Variants in KDM1B observed in about 807,000 individuals in gnomAD.
KDM1B encodes lysine-specific histone demethylase 2.
In KDM1B, 63 loss-of-function variants were observed where a neutral mutation model predicts 107.4. That is an observed-to-expected ratio of 0.59 (90% confidence interval 0.48 to 0.72). The LOEUF (loss-of-function observed/expected upper bound fraction) is 0.72. KDM1B is among the 30% of genes least tolerant of loss of function. The pLI is 0.00. For synonymous variants in KDM1B, 363 were observed against 363.9 expected, an observed-to-expected ratio of 1.00 and a Z score of 0.03; for missense variants, 749 against 1,020.8, an observed-to-expected ratio of 0.73 and a Z score of 3.63.
At position 18,201,064 on chromosome 6, in the gene KDM1B, T is replaced by C. The variant is rs193164605; in HGVS notation, c.1360-422T>C. ...AGTCATAGAGAGTTTATTTGAAGAG[T>C]TGGTAGGCCCAAGACTTTTTCTGAA... On this transcript the variant is annotated intron_variant, in intron 13 of 21. Coordinates refer to ENST00000650836, the MANE Select transcript of KDM1B (RefSeq NM_001364614.2). This position sits in a 1 kb window ranked among gnomAD's most constrained non-coding sequence, Gnocchi z 4.3. 6.6e-6 allele frequency among the ~76,000 whole-genome samples: 1 copy of C among 152,252 alleles called. No individual in the cohort carries two copies. Among genetic ancestry groups the C allele is most frequent in the East Asian group, 1.9e-4 (1 of 5,184 alleles).
rs756110008 is a variant in KDM1B at position 18,213,722 on chromosome 6, G to A, written c.2050G>A (p.Val684Ile). Residue 684 changes from valine to isoleucine, a missense_variant, in exon 19 of 22, where the codon GTT becomes ATT. Coordinates refer to ENST00000650836, the MANE Select transcript of KDM1B (RefSeq NM_001364614.2). The surrounding 1 kb of genome is among the most constrained non-coding windows in gnomAD (Gnocchi z 5.9). Reference protein sequence around the residue: ...KVQGADFFGHVPPSASKRGLF... With the variant: ...KVQGADFFGHIPPSASKRGLF... ...ACAAGGGGCTGACTTTTTTGGTCAC[G>A]TTCCTCCCAGTGCCAGCAAGCGAGG... 5.0e-6 allele frequency: 8 copies of A among 1,613,872 alleles called. No individual in the cohort carries two copies. The South Asian group carries it at 5.5e-5, about 11-fold the overall frequency.
At chr6:18,178,944 A>G (rs1036886754) in intron 7 of KDM1B, among the ~76,000 whole-genome samples, 1 of 152,278 alleles carries the variant, frequency 6.6e-6, no homozygotes, top group South Asian at 2.1e-4. Context: ...ACCACCAGTG[A>G]TAGTGTTCTA....
chr6:18,199,203 A>C (rs1454903493), intron 12 of KDM1B, among the ~76,000 whole-genome samples: 1 of 152,034 alleles, frequency 6.6e-6, no homozygotes, highest in East Asian at 1.9e-4. Context: ...AACTCAAACA[A>C]AAACTAGAAA....
rs1789811366 is a variant in KDM1B, at chr6:18,222,217, A to G, written c.*225A>G. ...AATTGCATTTTCCATAGGTTCAACT[A>G]CTGCTGAAAGTCTGGATTTCAGAAT... On this transcript the variant is annotated 3_prime_UTR_variant, in exon 22 of 22. Transcript: ENST00000650836. The G allele has an allele frequency of 4.7e-6, 3 of 643,542 alleles. No homozygotes were observed. Among genetic ancestry groups the G allele is most frequent in the Non-Finnish European group, 8.6e-6 (3 of 348,176 alleles). The allele number at this position is 643,542 out of a possible 1,614,324, so 39.9% of individuals were successfully genotyped here. A position where few individuals can be genotyped will look rare whatever the true frequency, so the allele number is the denominator to read the frequency against.
chr6:18,220,724 T>A (rs919986147), intron 21 of KDM1B, among the ~76,000 whole-genome samples: 13 of 151,918 alleles, frequency 8.6e-5, no homozygotes, highest in Admixed American at 8.5e-4. Flanking sequence ...ATGGCTTAGA[T>A]GGCTTCTTGC....
Position 18,173,183 on chromosome 6 carries a change from A to G in KDM1B, c.534+1704A>G, listed in dbSNP as rs148076980. ...CCAAATGTCTTTCCATGGTTGTACC[A>G]TACTACAACATTTTGTAGTGTTATT... On this transcript the variant is annotated intron_variant, in intron 7 of 21. Transcript: ENST00000650836. Among the ~76,000 whole-genome samples the G allele has an allele frequency of 2.3e-3, 347 of 152,198 alleles. 2 individuals carry two copies. Among genetic ancestry groups the G allele is most frequent in the African/African-American group, 7.9e-3 (329 of 41,536 alleles).
intron 14 of KDM1B, among the ~76,000 whole-genome samples, chr6:18,202,150 G>A (rs762662750): frequency 2.0e-5 from 3 of 151,852 alleles, no homozygotes; most frequent in Non-Finnish European, 2.9e-5. Flanking sequence ...CCTGTAATCC[G>A]AACATTTGGG....
At position 18,222,045 on chromosome 6, in the gene KDM1B, A is replaced by G. The variant is rs1438520116; in HGVS notation, c.*53A>G. The G allele has an allele frequency of 6.7e-7, 1 of 1,491,054 alleles. No individual in the cohort carries two copies. The highest frequency in any genetic ancestry group is 2.3e-5 in the East Asian group (1 of 44,292). The allele number at this position is 1,491,054 out of a possible 1,614,324, so 92.4% of individuals were successfully genotyped here. ...TACCCCAGATGGGGAAATTTGAATC[A>G]CATGTTAAACCTCAGTTTTATAAGA... On this transcript the variant is annotated 3_prime_UTR_variant, in exon 22 of 22. Transcript: ENST00000650836.
At chr6:18,166,741 C>G (rs953407851) in intron 6 of KDM1B, among the ~76,000 whole-genome samples, 2 of 151,502 alleles carry the variant, frequency 1.3e-5, no homozygotes, top group African/African-American at 4.9e-5. Context: ...GTAGTCCCAT[C>G]TACTCATCAG....
Position 18,162,038 on chromosome 6 carries a change from G to A in KDM1B, c.215+584G>A, listed in dbSNP as rs1211912060. Among the ~76,000 whole-genome samples, 1 of 151,944 alleles carries A rather than the reference G, an allele frequency of 6.6e-6. No individual in the cohort carries two copies. Among genetic ancestry groups the A allele is most frequent in the African/African-American group, 2.4e-5 (1 of 41,366 alleles). On this transcript the variant is annotated intron_variant, in intron 4 of 21. Coordinates refer to ENST00000650836, the MANE Select transcript of KDM1B (RefSeq NM_001364614.2). This position sits in a 1 kb window ranked among gnomAD's most constrained non-coding sequence, Gnocchi z 4.1. ...TCCTATTTGTTTTTAAACACAAAGA[G>A]GGCCAGGCATGGTGGCATGCGCCTG...
chr6:18,199,945 C>G (rs905272154), intron 12 of KDM1B, among the ~76,000 whole-genome samples: 1 of 152,194 alleles, frequency 6.6e-6, no homozygotes, highest in African/African-American at 2.4e-5. Flanking sequence ...GTGGCACAAT[C>G]TCTGCTCCCT....
intron 17 of KDM1B, among the ~76,000 whole-genome samples, chr6:18,208,595 A>ATGTG (rs1554149784): frequency 2.5e-4 from 14 of 56,130 alleles, no homozygotes; most frequent in African/African-American, 7.7e-4. Context: ...AAATAGAAGT[A>ATGTG]TGTGTATGTA....
At chr6:18,167,077 G>T (rs140120524) in intron 6 of KDM1B, among the ~76,000 whole-genome samples, 1 of 151,870 alleles carries the variant, frequency 6.6e-6, no homozygotes, top group East Asian at 2.0e-4. Flanking sequence ...ATTAATTTGG[G>T]CCAGGGCTGT....
chr6:18,160,215 T>A lies in KDM1B; in HGVS notation c.87+233T>A, dbSNP rs78765316. ...TAAAGGCGTAGAGTGTGAATCAGCATAGGATGTTCAGAGATTCACGGCTGT... is the reference window on the plus strand; with the variant it reads ...TAAAGGCGTAGAGTGTGAATCAGCAAAGGATGTTCAGAGATTCACGGCTGT... On this transcript the variant is annotated intron_variant, in intron 3 of 21. Transcript: ENST00000650836. Among the ~76,000 whole-genome samples, 1,250 of 152,276 alleles carry A rather than the reference T, an allele frequency of 8.2e-3. 20 individuals carry two copies. Among genetic ancestry groups the A allele is most frequent in the African/African-American group, 0.029 (1,193 of 41,546 alleles).
intron 8 of KDM1B, among the ~76,000 whole-genome samples, chr6:18,187,445 AT>A (rs1289886613): frequency 1.2e-4 from 18 of 152,072 alleles, no homozygotes; most frequent in African/African-American, 3.4e-4. Flanking sequence ...GCAGAGATGC[AT>A]TTTTCACATC....
At chr6:18,158,290 AAGG>A (rs899526089) in intron 2 of KDM1B, among the ~76,000 whole-genome samples, 23 of 150,354 alleles carry the variant, frequency 1.5e-4, no homozygotes, top group African/African-American at 5.6e-4. Context: ...GATTAAGTCA[AAGG>A]AGGCCGGGCG....
chr6:18,168,684 A>G (rs1414103242), intron 6 of KDM1B, among the ~76,000 whole-genome samples: 1 of 152,018 alleles, frequency 6.6e-6, no homozygotes, highest in Non-Finnish European at 1.5e-5. Context: ...TCTTTTCCAT[A>G]GTTCCTGTAC....
rs141222425 is a variant in KDM1B at position 18,186,973 on chromosome 6, TACACACACAC to T, written c.574-801_574-792del. On this transcript the variant is annotated intron_variant, in intron 8 of 21. Transcript: ENST00000650836. This position sits in a 1 kb window ranked among gnomAD's most constrained non-coding sequence, Gnocchi z 5.6. ...CAGTATGTATATATGTGTGTGTGTG[TACACACACAC>T]ACACACACACACACACATTTTTTTT... Among the ~76,000 whole-genome samples, 322 of 147,528 alleles carry T rather than the reference TACACACACAC, an allele frequency of 2.2e-3. 1 individual carries two copies. Among genetic ancestry groups the T allele is most frequent in the African/African-American group, 6.9e-3 (275 of 39,998 alleles).
intron 9 of KDM1B, among the ~76,000 whole-genome samples, chr6:18,190,813 T>C (rs1489198799): frequency 3.3e-5 from 5 of 151,198 alleles, no homozygotes; most frequent in Admixed American, 6.6e-5. Flanking sequence ...GGCATGAGAA[T>C]CACTTGGACC....
Sources: allele counts gnomAD v4.1 joint callset (sites outside exome capture counted in the v4.1 genomes callset), GRCh38; gene constraint gnomAD v4.1.1; non-coding constraint Gnocchi (gnomAD v3.1); transcripts MANE v1.5; gene names NCBI Gene and HGNC (gene_info 2026-07-23, HGNC 2026-07-21).